CNTN1: variants seen among roughly 807,000 people sequenced by gnomAD.
The protein encoded by CNTN1 is contactin-1.
A neutral mutation model predicts 126.4 loss-of-function variants in CNTN1; 38 were observed. That is an observed-to-expected ratio of 0.30 (90% confidence interval 0.23 to 0.39). The LOEUF (loss-of-function observed/expected upper bound fraction) is 0.39, where lower values mean the gene tolerates loss of function less well. Among genes scored for constraint, CNTN1 ranks in the 10% least tolerant of loss-of-function variants. CNTN1 has a pLI of 1.00. For missense variants in CNTN1, 1,009 were observed against 1,248.4 expected (o/e 0.81, Z 2.89); for synonymous variants, 413 against 422.6 (o/e 0.98, Z 0.28).
chr12:40,920,293 T>G (rs1324331039), intron 4 of CNTN1, among the ~76,000 whole-genome samples: 1 of 151,830 alleles, frequency 6.6e-6, no homozygotes, highest in Non-Finnish European at 1.5e-5. Context: ...TGCTTCTCCT[T>G]GCTGCCCCCA....
At chr12:40,888,274 T>G (rs1177185069) in intron 1 of CNTN1, among the ~76,000 whole-genome samples, 1 of 152,194 alleles carries the variant, frequency 6.6e-6, no homozygotes, top group Non-Finnish European at 1.5e-5. Flanking sequence ...GTTACGGACT[T>G]TTTAAAATTT....
chr12:40,881,502 C>T (rs1055141440), intron 1 of CNTN1, among the ~76,000 whole-genome samples: 3 of 151,678 alleles, frequency 2.0e-5, no homozygotes, highest in Admixed American at 6.6e-5. Flanking sequence ...CTTAATTTTT[C>T]GGTTATTTTT....
intron 1 of CNTN1, among the ~76,000 whole-genome samples, chr12:40,740,369 C>G (rs1441763744): frequency 6.6e-6 from 1 of 152,036 alleles, no homozygotes; most frequent in African/African-American, 2.4e-5. Context: ...TGTCACCTTT[C>G]TTCTGGAAAT....
intron 1 of CNTN1, among the ~76,000 whole-genome samples, chr12:40,705,282 C>T (rs568364686): frequency 6.6e-6 from 1 of 152,140 alleles, no homozygotes. Context: ...ATTTTCCTTC[C>T]CAATTGCTTG....
chr12:40,772,165 T>C (rs1228680062), intron 1 of CNTN1, among the ~76,000 whole-genome samples: 5 of 152,096 alleles, frequency 3.3e-5, no homozygotes, highest in Non-Finnish European at 7.4e-5. Context: ...GCAGATGTTA[T>C]ATGGAATTGT....
chr12:40,898,070 A>T (rs1447707578), intron 1 of CNTN1, among the ~76,000 whole-genome samples: 5 of 152,114 alleles, frequency 3.3e-5, no homozygotes, highest in Non-Finnish European at 7.4e-5. Flanking sequence ...CTGCTTGCCA[A>T]GTATGGAACA....
At chr12:40,903,437 A>C (rs1218130209) in intron 1 of CNTN1, among the ~76,000 whole-genome samples, 4 of 134,944 alleles carry the variant, frequency 3.0e-5, no homozygotes, top group Admixed American at 1.6e-4. Flanking sequence ...CAACACTTTC[A>C]GGTCCATGGA....
rs190889758 is a variant in CNTN1 at position 40,922,239 on chromosome 12, G to C, written c.228-17G>C. ...TCTCATGACCTGTGATATGACCTTTGTGTCTTTTTCTCATAGATGGAGAAT... is the reference window on the plus strand; with the variant it reads ...TCTCATGACCTGTGATATGACCTTTCTGTCTTTTTCTCATAGATGGAGAAT... On this transcript the variant is annotated splice_polypyrimidine_tract_variant and intron_variant, in intron 4 of 23. Coordinates refer to ENST00000551295, the MANE Select transcript of CNTN1 (RefSeq NM_001843.4). 6.2e-7 allele frequency: 1 copy of C among 1,612,424 alleles called. No homozygotes were observed. Among genetic ancestry groups the C allele is most frequent in the Non-Finnish European group, 8.5e-7 (1 of 1,178,632 alleles).
At chr12:40,832,713 T>C (rs981906405) in intron 1 of CNTN1, among the ~76,000 whole-genome samples, 3 of 152,212 alleles carry the variant, frequency 2.0e-5, no homozygotes, top group Admixed American at 1.3e-4. Context: ...TCCTAGGTGT[T>C]AGCTGATTAC....
intron 1 of CNTN1, among the ~76,000 whole-genome samples, chr12:40,795,274 TACACACACACACACACAC>T (rs71078269): frequency 0.029 from 3,602 of 123,040 alleles, 118 homozygotes; most frequent in African/African-American, 0.076. Context: ...TCTACATGTA[TACACACACACACACACAC>T]ACACACACAC....
chr12:40,759,774 A>ATTTTTTTTTTTTTTTTTTTTTTTTTTTTT (rs33992864), intron 1 of CNTN1, among the ~76,000 whole-genome samples: 1 of 133,580 alleles, frequency 7.5e-6, no homozygotes, highest in African/African-American at 2.8e-5. Context: ...TGGCCCAGAT[A>ATTTTTTTTTTTTTTTTTTTTTTTTTTTTT]TTTTTTTTTT....
chr12:41,022,588 G>GTGA (rs1013463455), intron 20 of CNTN1, among the ~76,000 whole-genome samples: 2 of 152,134 alleles, frequency 1.3e-5, no homozygotes, highest in African/African-American at 4.8e-5. Flanking sequence ...CAAGATGGTG[G>GTGA]TGATGATGAT....
At chr12:40,940,694 G>T (rs576771347) in intron 12 of CNTN1, among the ~76,000 whole-genome samples, 2 of 152,084 alleles carry the variant, frequency 1.3e-5, no homozygotes, top group Admixed American at 6.6e-5. Flanking sequence ...GCACAGGCAC[G>T]GCTGTTTATG....
At chr12:40,784,476 T>C (rs574224815) in intron 1 of CNTN1, among the ~76,000 whole-genome samples, 22 of 152,188 alleles carry the variant, frequency 1.4e-4, no homozygotes, top group Non-Finnish European at 2.6e-4. Flanking sequence ...GTTCTCTTTC[T>C]GGCAGGTTAT....
chr12:40,759,774 A>ATTTTTTTTTT, intron 1 of CNTN1, among the ~76,000 whole-genome samples: 1 of 133,584 alleles, frequency 7.5e-6, no homozygotes, highest in East Asian at 2.2e-4. Flanking sequence ...TGGCCCAGAT[A>ATTTTTTTTTT]TTTTTTTTTT....
In CNTN1 at chr12:40,823,908, T is replaced by C. The variant is rs186069353; in HGVS notation, c.-76-84449T>C. Reference sequence around the variant, plus strand: ...CTTGTAATACTTAGTACTACTACTCTAGTGTTTAAATATCTCTAAAATATT... The same window carrying C: ...CTTGTAATACTTAGTACTACTACTCCAGTGTTTAAATATCTCTAAAATATT... On this transcript the variant is annotated intron_variant, in intron 1 of 23. Coordinates refer to ENST00000551295, the MANE Select transcript of CNTN1 (RefSeq NM_001843.4). Among the ~76,000 whole-genome samples the C allele has an allele frequency of 2.6e-3, 401 of 152,296 alleles. 1 individual carries two copies. The highest frequency in any genetic ancestry group is 0.01 in the Middle Eastern group (3 of 294).
chr12:40,723,666 C>T (rs1160060956), intron 1 of CNTN1, among the ~76,000 whole-genome samples: 1 of 152,096 alleles, frequency 6.6e-6, no homozygotes, highest in Non-Finnish European at 1.5e-5. Flanking sequence ...ACCTTTTGCC[C>T]TATTAGGATT....
rs1947575342 is a variant in CNTN1, at chr12:40,973,249, T to C, written c.1805-7660T>C. 2.0e-5 allele frequency among the ~76,000 whole-genome samples: 3 copies of C among 152,120 alleles called. No individual in the cohort carries two copies. In the South Asian group the frequency reaches 6.2e-4, roughly 31 times the overall value. On this transcript the variant is annotated intron_variant, in intron 15 of 23. Coordinates refer to ENST00000551295, the MANE Select transcript of CNTN1 (RefSeq NM_001843.4). ...TATTTAATAAGATTCAGCTTCATCT[T>C]AGTACAACTTCAAACATCAACATGA... is the stretch of plus-strand genomic sequence containing the variant.
intron 17 of CNTN1, among the ~76,000 whole-genome samples, chr12:41,005,766 A>G (rs994729864): frequency 1.3e-5 from 2 of 152,120 alleles, no homozygotes; most frequent in South Asian, 4.1e-4. Context: ...TTTTAGCTCT[A>G]TCAGGTTGGT....
Sources: gnomAD v4.1 joint callset for allele counts (sites outside exome capture counted in the v4.1 genomes callset) on GRCh38, gnomAD v4.1.1 for gene constraint, MANE v1.5 for transcripts, NCBI Gene and HGNC (gene_info 2026-07-23, HGNC 2026-07-21) for gene names.